FHIT: variants seen among roughly 807,000 people sequenced by gnomAD.
FHIT encodes the protein fragile histidine triad diadenosine triphosphatase.
FHIT carries 19 observed loss-of-function variants against 17.9 expected under a neutral mutation model. The ratio of observed to expected loss-of-function variants is 1.06; its 90% CI spans 0.74 to 1.56. FHIT has a LOEUF of 1.56. FHIT is among the 40% of genes most tolerant of loss of function. The pLI, the probability that FHIT is intolerant of heterozygous loss-of-function variation, is 0.00. For missense variants in FHIT, 248 were observed against 189.2 expected, an observed-to-expected ratio of 1.31 and a Z score of -1.82; for synonymous variants, 81 against 69.7, an observed-to-expected ratio of 1.16 and a Z score of -0.81.
chr3:60,171,186 C>T (rs1277388298), intron 5 of FHIT, among the ~76,000 whole-genome samples: 1 of 151,996 alleles, frequency 6.6e-6, no homozygotes, highest in Non-Finnish European at 1.5e-5. Context: ...CTGAGGGATG[C>T]TATTTTTTTT....
intron 5 of FHIT, among the ~76,000 whole-genome samples, chr3:60,317,802 TTA>T: frequency 1.3e-5 from 2 of 150,268 alleles, no homozygotes; most frequent in Non-Finnish European, 3.0e-5. Context: ...TTTTTTTTTT[TTA>T]TTTTGAGACA....
chr3:60,971,416 A>G (rs540960097), intron 3 of FHIT, among the ~76,000 whole-genome samples: 16 of 152,306 alleles, frequency 1.1e-4, no homozygotes, highest in Admixed American at 7.2e-4. Context: ...AAATGTGATA[A>G]CCATTTTTAT....
chr3:60,160,245 C>A (rs1048991876), intron 5 of FHIT, among the ~76,000 whole-genome samples: 1 of 151,902 alleles, frequency 6.6e-6, no homozygotes, highest in Non-Finnish European at 1.5e-5. Context: ...TATGTTTTCC[C>A]CTAAAAATTA....
rs1450179918 is a variant in FHIT at position 60,600,909 on chromosome 3, C to T, written c.-17-63930G>A. On this transcript the variant is annotated intron_variant, in intron 4 of 9. Coordinates refer to ENST00000492590, the MANE Select transcript of FHIT (RefSeq NM_002012.4). ...TCCCTCTCATGAGCGGATGCAACAG[C>T]CCTGCACCAAGCATGCTTTTTTGGA... Among the ~76,000 whole-genome samples the T allele has an allele frequency of 4.6e-5, 7 of 152,274 alleles. No individual in the cohort carries two copies. The East Asian group carries it at 1.2e-3, about 25-fold the overall frequency.
intron 5 of FHIT, among the ~76,000 whole-genome samples, chr3:60,243,993 A>C (rs900036986): frequency 7.2e-5 from 11 of 151,960 alleles, no homozygotes; most frequent in South Asian, 4.2e-4. Flanking sequence ...ATAGCTGAAA[A>C]ACTCAGACAG....
At chr3:60,184,597 T>A (rs1702083138) in intron 5 of FHIT, among the ~76,000 whole-genome samples, 1 of 152,208 alleles carries the variant, frequency 6.6e-6, no homozygotes, top group African/African-American at 2.4e-5. Context: ...ATGTTAACCT[T>A]GATCACTGGT....
chr3:60,899,929 T>C (rs560154298), intron 3 of FHIT, among the ~76,000 whole-genome samples: 8 of 152,256 alleles, frequency 5.3e-5, no homozygotes, highest in African/African-American at 1.7e-4. Context: ...GGGAAATCTC[T>C]CTGAACACTG....
At chr3:59,885,627 T>C (rs1703591402) in intron 8 of FHIT, among the ~76,000 whole-genome samples, 2 of 152,140 alleles carry the variant, frequency 1.3e-5, no homozygotes, top group Admixed American at 1.3e-4. Flanking sequence ...GCATCATCCT[T>C]GCAAAGCTCT....
At position 60,958,200 on chromosome 3, in the gene FHIT, C is replaced by T. The variant is rs113025437; in HGVS notation, c.-111+83847G>A. Among the ~76,000 whole-genome samples the T allele has an allele frequency of 3.2e-3, 493 of 152,194 alleles. 4 individuals are homozygous for T. Among genetic ancestry groups the T allele is most frequent in the African/African-American group, 0.011 (454 of 41,532 alleles). On this transcript the variant is annotated intron_variant, in intron 3 of 9. Coordinates refer to ENST00000492590, the MANE Select transcript of FHIT (RefSeq NM_002012.4). ...AGCACCTCCTGTCAGTTTGTAGATA[C>T]GCATAGATTTTCTCAATATACCTGT...
At chr3:60,977,453 A>T (rs1394604334) in intron 3 of FHIT, among the ~76,000 whole-genome samples, 1 of 152,142 alleles carries the variant, frequency 6.6e-6, no homozygotes, top group Non-Finnish European at 1.5e-5. Flanking sequence ...TACAAATAAA[A>T]CCTACACAGC....
chr3:59,857,525 G>C (rs1201792020), intron 8 of FHIT, among the ~76,000 whole-genome samples: 1 of 99,208 alleles, frequency 1.0e-5, no homozygotes, highest in Non-Finnish European at 1.9e-5. Context: ...ATTTTCATAG[G>C]ACAAGATTAT....
intron 5 of FHIT, among the ~76,000 whole-genome samples, chr3:60,121,779 C>T (rs76372042): frequency 0.15 from 22,914 of 151,496 alleles, 1,851 homozygotes; most frequent in South Asian, 0.21. Context: ...AGTGCCATCC[C>T]TTGGTCCCAC....
At chr3:59,883,648 A>G (rs1703498557) in intron 8 of FHIT, among the ~76,000 whole-genome samples, 1 of 152,134 alleles carries the variant, frequency 6.6e-6, no homozygotes, top group South Asian at 2.1e-4. Context: ...ATCAACGTCT[A>G]TTGTATCTTG....
intron 4 of FHIT, among the ~76,000 whole-genome samples, chr3:60,781,336 A>G (rs1317501093): frequency 6.6e-6 from 1 of 152,198 alleles, no homozygotes; most frequent in Non-Finnish European, 1.5e-5. Context: ...GCACACAGAA[A>G]AACTAGAAGA....
At chr3:60,877,867 G>A (rs1553756869) in intron 3 of FHIT, among the ~76,000 whole-genome samples, 2 of 151,976 alleles carry the variant, frequency 1.3e-5, no homozygotes, top group Admixed American at 6.6e-5. Flanking sequence ...TGCCCTCCAG[G>A]ACCCAAACAA....
chr3:60,418,616 T>C (rs1702355308), intron 5 of FHIT, among the ~76,000 whole-genome samples: 1 of 145,972 alleles, frequency 6.9e-6, no homozygotes, highest in Non-Finnish European at 1.5e-5. Flanking sequence ...CATTAAATCC[T>C]TCTTCATTCT....
At chr3:60,688,329 G>A (rs1439010338) in intron 4 of FHIT, among the ~76,000 whole-genome samples, 1 of 151,984 alleles carries the variant, frequency 6.6e-6, no homozygotes, top group Non-Finnish European at 1.5e-5. Context: ...TTAACCAAAG[G>A]ATGATAATAC....
intron 5 of FHIT, among the ~76,000 whole-genome samples, chr3:60,524,262 A>G (rs929143677): frequency 6.6e-6 from 1 of 151,310 alleles, no homozygotes; most frequent in Non-Finnish European, 1.5e-5. Context: ...AAATTATATA[A>G]TAATTTAGTG....
chr3:61,110,551 C>T (rs957435808), intron 2 of FHIT, among the ~76,000 whole-genome samples: 4 of 151,984 alleles, frequency 2.6e-5, no homozygotes, highest in African/African-American at 9.7e-5. Context: ...TCCTTCTTTT[C>T]GTCACTATCT....
Sources: gnomAD v4.1 joint callset for allele counts (sites outside exome capture counted in the v4.1 genomes callset) on GRCh38, gnomAD v4.1.1 for gene constraint, MANE v1.5 for transcripts, NCBI Gene and HGNC (gene_info 2026-07-23, HGNC 2026-07-21) for gene names.